CADPS2: variants seen among roughly 807,000 people sequenced by gnomAD.
CADPS2 encodes calcium dependent secretion activator 2.
Under a neutral mutation model 172.5 loss-of-function variants are expected in CADPS2, and 93 were observed. The ratio of observed to expected loss-of-function variants is 0.54; its 90% CI spans 0.46 to 0.64. The LOEUF (loss-of-function observed/expected upper bound fraction) is 0.64, where lower values mean the gene tolerates loss of function less well. Ranked by LOEUF, CADPS2 falls within the 30% of genes least tolerant of loss-of-function variation. The pLI, the probability that CADPS2 is intolerant of heterozygous loss-of-function variation, is 0.00. For synonymous variants in CADPS2, 546 were observed against 555.2 expected, an observed-to-expected ratio of 0.98 and a Z score of 0.23; for missense variants, 1,420 against 1,565.9, an observed-to-expected ratio of 0.91 and a Z score of 1.57.
At chr7:122,387,649 A>G (rs1424054414) in intron 23 of CADPS2, among the ~76,000 whole-genome samples, 2 of 152,120 alleles carry the variant, frequency 1.3e-5, no homozygotes, top group Non-Finnish European at 2.9e-5. Flanking sequence ...GACAATGTGT[A>G]ATTCTTTTAT....
rs2087417672 is a variant in CADPS2, at chr7:122,706,182, T to TATATATGCTTATATATTCAAGGAATAC, written c.453+30746_453+30772dup. On this transcript the variant is annotated intron_variant, in intron 2 of 29. Coordinates refer to ENST00000449022, the MANE Select transcript of CADPS2 (RefSeq NM_017954.11). ...TATGCTTATATATTCAAGGAATACATATATATGCTTATATATTCAAGGAAT... is the reference window on the plus strand; with the variant it reads ...TATGCTTATATATTCAAGGAATACATATATATGCTTATATATTCAAGGAATACATATATGCTTATATATTCAAGGAAT... Among the ~76,000 whole-genome samples, 5 of 7,724 alleles carry TATATATGCTTATATATTCAAGGAATAC rather than the reference T, an allele frequency of 6.5e-4. 1 individual carries two copies. The highest frequency in any genetic ancestry group is 1.0e-3 in the African/African-American group (3 of 2,916). The allele number at this position is 7,724 out of a possible 152,430, so 5.1% of individuals were successfully genotyped here. A position where few individuals can be genotyped will look rare whatever the true frequency, so the allele number is the denominator to read the frequency against.
At chr7:122,457,696 TC>T (rs1350642459) in intron 14 of CADPS2, among the ~76,000 whole-genome samples, 4 of 152,204 alleles carry the variant, frequency 2.6e-5, no homozygotes, top group Non-Finnish European at 5.9e-5. Flanking sequence ...CTGACGAGCA[TC>T]CGTTCTATTA....
intron 7 of CADPS2, among the ~76,000 whole-genome samples, chr7:122,570,815 T>C (rs932053651): frequency 1.3e-5 from 2 of 151,940 alleles, no homozygotes; most frequent in Non-Finnish European, 2.9e-5. Context: ...TTCTCATTCA[T>C]AGATGGGAAT....
At chr7:122,327,322 A>G (rs1268332490) in intron 28 of CADPS2, among the ~76,000 whole-genome samples, 1 of 152,142 alleles carries the variant, frequency 6.6e-6, no homozygotes, top group Non-Finnish European at 1.5e-5. Context: ...GAATATGAGT[A>G]CAGTCAATTG....
chr7:122,435,627 TA>T (rs1466581592), intron 17 of CADPS2, among the ~76,000 whole-genome samples: 3 of 152,054 alleles, frequency 2.0e-5, no homozygotes, highest in African/African-American at 7.2e-5. Context: ...TCTGTAAAAA[TA>T]AAATATGGAA....
rs938071869 is a variant in CADPS2 at position 122,318,419 on chromosome 7, T to C, written c.*1746A>G. On this transcript the variant is annotated 3_prime_UTR_variant, in exon 30 of 30. Transcript: ENST00000449022. Reference sequence around the variant, plus strand: ...ACAAAAGGGATGCATTATTTGGAGATGATCTGTATCAAGGAAATGGACATT... The same window carrying C: ...ACAAAAGGGATGCATTATTTGGAGACGATCTGTATCAAGGAAATGGACATT... The C allele has an allele frequency of 1.3e-5, 2 of 152,232 alleles. No individual in the cohort carries two copies. The highest frequency in any genetic ancestry group is 4.8e-5 in the African/African-American group (2 of 41,444). 9.4% of individuals were successfully genotyped at this position (152,232 alleles called of 1,614,324 possible). A position where few individuals can be genotyped will look rare whatever the true frequency, so the allele number is the denominator to read the frequency against.
At chr7:122,703,782 G>C (rs530852415) in intron 2 of CADPS2, among the ~76,000 whole-genome samples, 1 of 152,186 alleles carries the variant, frequency 6.6e-6, no homozygotes, top group African/African-American at 2.4e-5. Context: ...GAAGATAGTG[G>C]CTTGGACTCA....
chr7:122,643,119 G>C (rs1050708660), intron 3 of CADPS2, among the ~76,000 whole-genome samples: 4 of 152,090 alleles, frequency 2.6e-5, no homozygotes, highest in African/African-American at 7.2e-5. Flanking sequence ...ACCTAATGCT[G>C]ATTCCAAAAG....
chr7:122,860,842 T>C (rs1240232227), intron 1 of CADPS2, among the ~76,000 whole-genome samples: 1 of 152,192 alleles, frequency 6.6e-6, no homozygotes. Context: ...TTTGTCCCTC[T>C]ATGCTTGGTT....
At chr7:122,556,000 T>C (rs2064984555) in intron 7 of CADPS2, among the ~76,000 whole-genome samples, 2 of 152,056 alleles carry the variant, frequency 1.3e-5, no homozygotes, top group South Asian at 4.1e-4. Flanking sequence ...AGTTGTTAAA[T>C]GTATCTACTA....
intron 2 of CADPS2, among the ~76,000 whole-genome samples, chr7:122,696,477 G>C (rs1283553967): frequency 6.6e-6 from 1 of 151,976 alleles, no homozygotes; most frequent in African/African-American, 2.4e-5. Flanking sequence ...TTAGATTAGT[G>C]TCTCTCCTCC....
intron 17 of CADPS2, 29 bp downstream of exon 17, chr7:122,438,312 C>T (rs371770285): frequency 3.3e-5 from 53 of 1,611,604 alleles, no homozygotes; most frequent in Non-Finnish European, 4.5e-5. Flanking sequence ...GCTCTCACTG[C>T]CACTTCGACA....
chr7:122,540,903 A>G (rs1323259224), intron 8 of CADPS2, among the ~76,000 whole-genome samples: 2 of 152,162 alleles, frequency 1.3e-5, no homozygotes, highest in Non-Finnish European at 2.9e-5. Flanking sequence ...AGTTATAGCA[A>G]TGATTTTAAT....
chr7:122,571,939 C>T (rs2067320344), intron 7 of CADPS2, among the ~76,000 whole-genome samples: 1 of 152,020 alleles, frequency 6.6e-6, no homozygotes, highest in Non-Finnish European at 1.5e-5. Context: ...TAATTTTTCA[C>T]AAATAATTAC....
At chr7:122,760,655 C>T (rs2093347352) in intron 1 of CADPS2, among the ~76,000 whole-genome samples, 1 of 151,954 alleles carries the variant, frequency 6.6e-6, no homozygotes, top group African/African-American at 2.4e-5. Flanking sequence ...AGTTCATGTC[C>T]TTTGTAGGGA....
At chr7:122,448,295 C>G (rs2052570969) in intron 15 of CADPS2, among the ~76,000 whole-genome samples, 1 of 152,106 alleles carries the variant, frequency 6.6e-6, no homozygotes. Flanking sequence ...ACCATCAGCT[C>G]TCATGAGACT....
In CADPS2 at chr7:122,663,354, T is replaced by C. The variant is rs1165101615; in HGVS notation, c.669A>G (p.Arg223=). The C allele has an allele frequency of 6.8e-6, 11 of 1,613,864 alleles. No individual in the cohort carries two copies. The African/African-American group carries it at 9.3e-5, about 14-fold the overall frequency. ...GTTCAGACACTGCACTTAGGGCCATTCTATTTGGCTGTTTGCACAAGTCCT... is the reference window on the plus strand; with the variant it reads ...GTTCAGACACTGCACTTAGGGCCATCCTATTTGGCTGTTTGCACAAGTCCT... ...GEEDLCKQPN[R]MALSAVSELI... is the part of the protein sequence containing the mutation. Residue 223 remains arginine (R), a synonymous_variant, in exon 3 of 30, where the codon AGA becomes AGG. Coordinates refer to ENST00000449022, the MANE Select transcript of CADPS2 (RefSeq NM_017954.11).
rs962688961 is a variant in CADPS2, at chr7:122,568,662, T to C, written c.1335+12517A>G. ...ATGTTCAAATAAAAACTTTGATCTA[T>C]ATGTAGCTCTAGATCTGAAAATTAA... On this transcript the variant is annotated intron_variant, in intron 7 of 29. Coordinates refer to ENST00000449022, the MANE Select transcript of CADPS2 (RefSeq NM_017954.11). Among the ~76,000 whole-genome samples the C allele has an allele frequency of 2.6e-5, 4 of 152,256 alleles. No homozygotes were observed. In the South Asian group the frequency reaches 8.3e-4, roughly 32 times the overall value.
intron 3 of CADPS2, among the ~76,000 whole-genome samples, chr7:122,638,682 T>G (rs547429802): frequency 6.6e-6 from 1 of 152,284 alleles, no homozygotes; most frequent in East Asian, 1.9e-4. Context: ...GTTTTTCACA[T>G]TCTCAGGATT....
Sources: gnomAD v4.1 joint callset for allele counts (sites outside exome capture counted in the v4.1 genomes callset) on GRCh38, gnomAD v4.1.1 for gene constraint, MANE v1.5 for transcripts, NCBI Gene and HGNC (gene_info 2026-07-23, HGNC 2026-07-21) for gene names.